DNAH14: variants seen among roughly 807,000 people sequenced by gnomAD.
DNAH14 encodes dynein axonemal heavy chain 14.
DNAH14 carries 478 observed loss-of-function variants against 520.9 expected under a neutral mutation model. That is an observed-to-expected ratio of 0.92 (90% CI 0.85 to 0.99). The LOEUF is 0.99. Ranked by LOEUF, DNAH14 falls within the 50% of genes least tolerant of loss-of-function variation. The pLI, the probability that DNAH14 is intolerant of heterozygous loss-of-function variation, is 0.00. For missense variants in DNAH14, 4,831 were observed against 5,234.5 expected, an observed-to-expected ratio of 0.92 and a Z score of 2.38; for synonymous variants, 1,581 against 1,757.2, an observed-to-expected ratio of 0.90 and a Z score of 2.51.
intron 64 of DNAH14, among the ~76,000 whole-genome samples, 190 bp downstream of exon 64, chr1:225,325,022 C>T (rs1036504160): frequency 2.6e-5 from 4 of 151,680 alleles, no homozygotes; most frequent in Non-Finnish European, 5.9e-5. Flanking sequence ...TTAGTGCCTA[C>T]CACATAATAA....
At chr1:225,130,365 C>A (rs1030726219) in intron 27 of DNAH14, among the ~76,000 whole-genome samples, 1 of 152,054 alleles carries the variant, frequency 6.6e-6, no homozygotes, top group African/African-American at 2.4e-5. Flanking sequence ...AAGACACATA[C>A]ACACGTATGT....
chr1:225,274,989 A>G (rs947998821), intron 52 of DNAH14, among the ~76,000 whole-genome samples: 1 of 152,222 alleles, frequency 6.6e-6, no homozygotes, highest in Non-Finnish European at 1.5e-5. Context: ...CTTAATTCAT[A>G]ACACCCTATG....
intron 3 of DNAH14, among the ~76,000 whole-genome samples, chr1:224,958,737 A>G (rs2060664139): frequency 6.6e-6 from 1 of 151,990 alleles, no homozygotes; most frequent in Non-Finnish European, 1.5e-5. Context: ...AAAATGGGGG[A>G]GGAGAGCACA....
chr1:225,087,207 G>T (rs1456128401), intron 21 of DNAH14, among the ~76,000 whole-genome samples: 1 of 152,224 alleles, frequency 6.6e-6, no homozygotes, highest in African/African-American at 2.4e-5. Context: ...GCTGGCATCT[G>T]GCCAGGGCCT....
At chr1:225,395,416 AC>A (rs976684268) in intron 84 of DNAH14, among the ~76,000 whole-genome samples, 3 of 152,040 alleles carry the variant, frequency 2.0e-5, no homozygotes, top group African/African-American at 7.2e-5. Context: ...ACACGGTGAA[AC>A]CCCGTCTCTA....
At chr1:225,033,021 G>A (rs1023873486) in intron 11 of DNAH14, among the ~76,000 whole-genome samples, 2 of 152,142 alleles carry the variant, frequency 1.3e-5, no homozygotes, top group African/African-American at 2.4e-5. Context: ...CCCCCATTAT[G>A]TAGGTTGTCT....
chr1:225,356,946 A>C (rs2095435821), intron 73 of DNAH14, among the ~76,000 whole-genome samples: 1 of 152,204 alleles, frequency 6.6e-6, no homozygotes, highest in Non-Finnish European at 1.5e-5. Flanking sequence ...GTTGGAAGAC[A>C]TGGTCTGATC....
At chr1:225,210,824 T>C (rs1459990028) in intron 41 of DNAH14, among the ~76,000 whole-genome samples, 1 of 152,238 alleles carries the variant, frequency 6.6e-6, no homozygotes, top group Admixed American at 6.5e-5. Flanking sequence ...CAATCTTTGC[T>C]GTTCTGCAAC....
chr1:225,226,907 C>T (rs2090592631), intron 41 of DNAH14, among the ~76,000 whole-genome samples: 1 of 152,096 alleles, frequency 6.6e-6, no homozygotes, highest in Non-Finnish European at 1.5e-5. Context: ...AGGAAAGGTG[C>T]TGTGACTTGA....
Position 225,290,074 on chromosome 1 carries a change from A to G in DNAH14, c.8461A>G (p.Ile2821Val), listed in dbSNP as rs2093831436. 1 of 1,466,748 alleles carries G rather than the reference A, an allele frequency of 6.8e-7. No individual in the cohort carries two copies. Among genetic ancestry groups the G allele is most frequent in the South Asian group, 1.4e-5 (1 of 70,082 alleles). The allele number at this position is 1,466,748 out of a possible 1,614,324, so 90.9% of individuals were successfully genotyped here. Residue 2821 changes from isoleucine to valine, a missense_variant, in exon 55 of 86, where the codon ATA becomes GTA. Coordinates refer to ENST00000682510, the MANE Select transcript of DNAH14 (RefSeq NM_001367479.1). ...TGTTCTGATGGTTCCCAATTTAAAC[A>G]TAGAACAAGTAAGTACTTTTTGTCT... ...PTVLMVPNLNIEQDSFLEDLN... is the reference protein window; with the variant it reads ...PTVLMVPNLNVEQDSFLEDLN...
At chr1:224,944,498 GT>G (rs2059657102) in intron 1 of DNAH14, among the ~76,000 whole-genome samples, 1 of 148,228 alleles carries the variant, frequency 6.7e-6, no homozygotes, top group African/African-American at 2.6e-5. Flanking sequence ...TACATTTCAG[GT>G]TAATATCGTT....
chr1:225,372,300 T>A (rs769753658), intron 77 of DNAH14, among the ~76,000 whole-genome samples: 1 of 152,196 alleles, frequency 6.6e-6, no homozygotes, highest in African/African-American at 2.4e-5. Flanking sequence ...AGAAAAATCC[T>A]GAAAGGGTCC....
intron 5 of DNAH14, among the ~76,000 whole-genome samples, chr1:224,965,412 A>G (rs1433442035): frequency 1.3e-5 from 2 of 152,080 alleles, no homozygotes; most frequent in East Asian, 3.9e-4. Flanking sequence ...ACTGCTTCCA[A>G]CCAAGGATCA....
Position 225,140,997 on chromosome 1 carries a change from A to G in DNAH14, c.4484A>G (p.Asn1495Ser). 6 of 1,548,804 alleles carry G rather than the reference A, an allele frequency of 3.9e-6. No individual in the cohort carries two copies. The highest frequency in any genetic ancestry group is 5.2e-6 in the Non-Finnish European group (6 of 1,145,218). ...AATTTACTACTTAAAAATATCTTCA[A>G]TGCAGAGGATTTTGAGTGGACAAGG... ...VINLLLKNIF[N>S]AEDFEWTRHL... Residue 1495 changes from asparagine to serine, a missense_variant, in exon 28 of 86, where the codon AAT becomes AGT. By Grantham distance (46) the Asn-to-Ser change is conservative. Transcript: ENST00000682510.
At chr1:225,329,608 A>C (rs1197555802) in intron 64 of DNAH14, among the ~76,000 whole-genome samples, 1 of 152,170 alleles carries the variant, frequency 6.6e-6, no homozygotes, top group Non-Finnish European at 1.5e-5. Flanking sequence ...TATCCAGAAG[A>C]ATGAAACTAG....
At chr1:225,362,590 T>C (rs887070073) in intron 75 of DNAH14, among the ~76,000 whole-genome samples, 5 of 119,090 alleles carry the variant, frequency 4.2e-5, no homozygotes, top group African/African-American at 6.3e-5. Flanking sequence ...AAAAAAAAAA[T>C]GCTCAGCATC....
In DNAH14 at chr1:225,258,118, G is replaced by A. The variant is rs373790753; in HGVS notation, c.7024G>A (p.Gly2342Arg). The A allele has an allele frequency of 7.4e-5, 110 of 1,494,756 alleles. No homozygotes were observed. The East Asian group carries it at 1.6e-3, about 22-fold the overall frequency. The allele number at this position is 1,494,756 out of a possible 1,614,324, so 92.6% of individuals were successfully genotyped here. A position where few individuals can be genotyped will look rare whatever the true frequency, so the allele number is the denominator to read the frequency against. Residue 2342 changes from glycine (G) to arginine (R), a missense_variant and splice_region_variant, in exon 45 of 86, where the codon GGA becomes AGA. Transcript: ENST00000682510. ...LKNSCPVLLT[G>R]ESGVGKTAAI... ...GAATTCCTGCCCTGTACTTCTCACA[G>A]GTATTACAAATATTTAATAGAAGGA... is the stretch of plus-strand genomic sequence containing the variant.
intron 12 of DNAH14, among the ~76,000 whole-genome samples, chr1:225,041,231 G>C (rs548825062): frequency 6.6e-6 from 1 of 152,270 alleles, no homozygotes; most frequent in Non-Finnish European, 1.5e-5. Context: ...TTACTGTACA[G>C]AGCTCAAAAT....
chr1:225,195,342 A>G (rs1240023878), intron 38 of DNAH14, among the ~76,000 whole-genome samples: 2 of 152,168 alleles, frequency 1.3e-5, no homozygotes, highest in African/African-American at 2.4e-5. Flanking sequence ...GAATGAGATC[A>G]TGTCCTTTGC....
Sources: gnomAD v4.1 joint callset for allele counts (sites outside exome capture counted in the v4.1 genomes callset) on GRCh38, gnomAD v4.1.1 for gene constraint, MANE v1.5 for transcripts, NCBI Gene and HGNC (gene_info 2026-07-23, HGNC 2026-07-21) for gene names.